CLTCL1: variants seen among roughly 807,000 people sequenced by gnomAD.
CLTCL1 encodes the protein clathrin heavy chain 2.
CLTCL1 carries 159 observed loss-of-function variants against 190.0 expected under a neutral mutation model. The ratio of observed to expected loss-of-function variants is 0.84; its 90% CI spans 0.74 to 0.95. The LOEUF (loss-of-function observed/expected upper bound fraction) is 0.95, where lower values mean the gene tolerates loss of function less well. Ranked by LOEUF, CLTCL1 falls within the 40% of genes least tolerant of loss-of-function variation. The probability of loss-of-function intolerance (pLI) is 0.00; values close to 1 mark genes in which losing one functional copy is unlikely to be tolerated. For missense variants in CLTCL1, 1,878 were observed against 2,033.4 expected, an observed-to-expected ratio of 0.92 and a Z score of 1.47; for synonymous variants, 752 against 769.6, an observed-to-expected ratio of 0.98 and a Z score of 0.38.
At chr22:19,240,400 C>A (rs1317476539) in intron 4 of CLTCL1, among the ~76,000 whole-genome samples, 1 of 151,928 alleles carries the variant, frequency 6.6e-6, no homozygotes, top group African/African-American at 2.4e-5. Context: ...TGTGGAGGGG[C>A]AGTCTGGGTT....
rs527403911 is a variant in CLTCL1, at chr22:19,261,449, T to C, written c.251-7222A>G. Reference sequence around the variant, plus strand: ...TTAAAGGCTACAGCTGCCATAAATATGTCTCCTTTGATGGATCTAGGCGAA... The same window carrying C: ...TTAAAGGCTACAGCTGCCATAAATACGTCTCCTTTGATGGATCTAGGCGAA... On this transcript the variant is annotated intron_variant, in intron 2 of 32. Transcript: ENST00000427926. Among the ~76,000 whole-genome samples the C allele has an allele frequency of 9.2e-5, 14 of 152,352 alleles. No individual in the cohort carries two copies. In the East Asian group the frequency reaches 2.7e-3, roughly 29 times the overall value.
At chr22:19,272,842 G>A (rs910660021) in intron 2 of CLTCL1, among the ~76,000 whole-genome samples, 3 of 152,084 alleles carry the variant, frequency 2.0e-5, no homozygotes, top group South Asian at 2.1e-4. Flanking sequence ...GCAGTGGCAC[G>A]ATAATAGCTC....
At chr22:19,256,856 G>A (rs2146116427) in intron 2 of CLTCL1, among the ~76,000 whole-genome samples, 1 of 152,190 alleles carries the variant, frequency 6.6e-6, no homozygotes, top group Admixed American at 6.5e-5. Context: ...ATATGGAAAT[G>A]CAGAGGACAA....
chr22:19,224,012 T>G lies in CLTCL1; in HGVS notation c.2171A>C (p.Asp724Ala). The G allele has an allele frequency of 6.2e-7, 1 of 1,614,002 alleles. No homozygotes were observed. The highest frequency in any genetic ancestry group is 8.5e-7 in the Non-Finnish European group (1 of 1,179,894). The change falls in exon 14 of 33, where the codon GAC (aspartate) becomes GCC (alanine). Residue 724 changes from aspartate to alanine, a missense_variant. Coordinates refer to ENST00000427926, the MANE Select transcript of CLTCL1 (RefSeq NM_007098.4). ...AATGTATTTCAGATGCACATCTGGG[T>G]CTTGGCTGAAGTTCACGATTGAGCC... Reference protein sequence around the residue: ...FLGSIVNFSQDPDVHLKYIQA... With the variant: ...FLGSIVNFSQAPDVHLKYIQA...
At chr22:19,264,504 G>C (rs1555977005) in intron 2 of CLTCL1, among the ~76,000 whole-genome samples, 2 of 152,080 alleles carry the variant, frequency 1.3e-5, no homozygotes, top group African/African-American at 4.8e-5. Flanking sequence ...GTTAACAGCG[G>C]AATTATTTAC....
Position 19,256,354 on chromosome 22 carries a change from C to CTTT in CLTCL1, c.251-2130_251-2128dup, listed in dbSNP as rs1239133099. On this transcript the variant is annotated intron_variant, in intron 2 of 32. Coordinates refer to ENST00000427926, the MANE Select transcript of CLTCL1 (RefSeq NM_007098.4). The stretch of plus-strand genomic sequence containing the variant: ...TCTTTTTTTTTTCTTTTTCTTTTAT[C>CTTT]TTTTTTTTTTTTTTTTTTTTGAGAC... Among the ~76,000 whole-genome samples the CTTT allele has an allele frequency of 7.5e-4, 78 of 104,352 alleles. 1 individual carries two copies. Among genetic ancestry groups the CTTT allele is most frequent in the Non-Finnish European group, 1.0e-3 (54 of 53,506 alleles). 68.5% of individuals were successfully genotyped at this position (104,352 alleles called of 152,430 possible).
chr22:19,280,753 AG>A (rs2087678646), intron 1 of CLTCL1, among the ~76,000 whole-genome samples: 1 of 134,368 alleles, frequency 7.4e-6, no homozygotes, highest in Non-Finnish European at 1.6e-5. Flanking sequence ...CAGGAGGTGG[AG>A]GTTGCAGTGT....
At chr22:19,211,496 C>T (rs141614545) in intron 19 of CLTCL1, among the ~76,000 whole-genome samples, 227 of 152,058 alleles carry the variant, frequency 1.5e-3, no homozygotes, top group African/African-American at 4.6e-3. Flanking sequence ...AAACTGTCCC[C>T]GGTGTCTCAC....
chr22:19,261,046 C>T (rs1457567383), intron 2 of CLTCL1, among the ~76,000 whole-genome samples: 1 of 151,908 alleles, frequency 6.6e-6, no homozygotes, highest in African/African-American at 2.4e-5. Flanking sequence ...TGCCTGCTAA[C>T]ACATCAATTC....
chr22:19,239,339 A>T lies in CLTCL1; in HGVS notation c.731T>A (p.Val244Glu). The T allele has an allele frequency of 6.2e-7, 1 of 1,614,052 alleles. No homozygotes were observed. Among genetic ancestry groups the T allele is most frequent in the Non-Finnish European group, 8.5e-7 (1 of 1,179,900 alleles). ...AAAAAACACATCTACTGCTTTCTTT[A>T]CAAAAGGTTGGTTTCCCGCTGCAGG... ...GQPAAGNQPFVKKAVDVFFPP... is the reference protein window; with the variant it reads ...GQPAAGNQPFEKKAVDVFFPP... The change falls in exon 5 of 33, where the codon GTA becomes GAA. Residue 244 changes from valine (V) to glutamate (E), a missense_variant. Val to Glu is a moderately radical substitution (Grantham distance 121). Transcript: ENST00000427926.
Position 19,233,615 on chromosome 22 carries a change from A to G in CLTCL1, c.1175T>C (p.Leu392Pro), listed in dbSNP as rs1555960401. The change falls in exon 8 of 33, where the codon CTG (leucine) becomes CCG (proline). Residue 392 changes from leucine to proline, a missense_variant. Physicochemically the swap from Leu to Pro is moderately conservative, Grantham distance 98. Transcript: ENST00000427926. ...TTTCTGGACCGTCTCTCTGGTACGC[A>G]GGATTCCCTAATAATAAATGGAAAA... ...KVAASAPKGILRTRETVQKFQ... is the reference protein window; with the variant it reads ...KVAASAPKGIPRTRETVQKFQ... The G allele has an allele frequency of 1.2e-6, 2 of 1,613,106 alleles. No individual in the cohort carries two copies. Among genetic ancestry groups the G allele is most frequent in the South Asian group, 1.1e-5 (1 of 91,016 alleles).
intron 21 of CLTCL1, 77 bp from the exon 22 acceptor site, chr22:19,208,388 C>T: frequency 6.6e-7 from 1 of 1,524,760 alleles, no homozygotes; most frequent in African/African-American, 1.4e-5. Flanking sequence ...CCATTCTGTT[C>T]TCAGCCAGAC....
At chr22:19,183,301 C>T (rs2084201272) in intron 30 of CLTCL1, 89 bp downstream of exon 30, 2 of 1,186,666 alleles carry the variant, frequency 1.7e-6, no homozygotes, top group African/African-American at 1.5e-5. Context: ...CTCAAAGGGG[C>T]CCACCCTTAA....
intron 1 of CLTCL1, among the ~76,000 whole-genome samples, chr22:19,277,934 G>A (rs191103152): frequency 9.2e-5 from 14 of 152,328 alleles, no homozygotes; most frequent in Admixed American, 9.2e-4. Context: ...CTATAAAGCA[G>A]GGTTCCCATG....
intron 1 of CLTCL1, among the ~76,000 whole-genome samples, chr22:19,286,739 G>A (rs2087922167): frequency 6.6e-6 from 1 of 152,132 alleles, no homozygotes; most frequent in Non-Finnish European, 1.5e-5. Flanking sequence ...TGTTTCACCT[G>A]GGCTGTGTGT....
chr22:19,224,661 G>A (rs2085682904), intron 13 of CLTCL1, among the ~76,000 whole-genome samples: 2 of 152,170 alleles, frequency 1.3e-5, no homozygotes, highest in African/African-American at 4.8e-5. Flanking sequence ...TGCTAGGAAG[G>A]GAATGGGCAG....
intron 22 of CLTCL1, chr22:19,207,935 T>C (rs1202861582): frequency 1.5e-6 from 1 of 689,546 alleles, no homozygotes; most frequent in East Asian, 2.7e-5. Context: ...TGTAGAATTA[T>C]TTCATTATAT....
At chr22:19,228,111 G>T (rs2145830783) in intron 11 of CLTCL1, among the ~76,000 whole-genome samples, 1 of 152,318 alleles carries the variant, frequency 6.6e-6, no homozygotes, top group East Asian at 1.9e-4. Context: ...CACAGCCACT[G>T]TCACACACCA....
rs546841882 is a variant in CLTCL1 at position 19,252,513 on chromosome 22, T to A, written c.519+1446A>T. Among the ~76,000 whole-genome samples the A allele has an allele frequency of 3.9e-5, 6 of 152,316 alleles. No individual in the cohort carries two copies. In the South Asian group the frequency reaches 1.2e-3, roughly 32 times the overall value. On this transcript the variant is annotated intron_variant, in intron 3 of 32. Coordinates refer to ENST00000427926, the MANE Select transcript of CLTCL1 (RefSeq NM_007098.4). ...AGATCCCCTGTGTTGCAGGCTGTCT[T>A]GACTTAAGCTGCTCTCTCATGGCTC...
Sources: allele counts gnomAD v4.1 joint callset (sites outside exome capture counted in the v4.1 genomes callset), GRCh38; gene constraint gnomAD v4.1.1; transcripts MANE v1.5; gene names NCBI Gene and HGNC (gene_info 2026-07-23, HGNC 2026-07-21).